ADAMTSL1: variants seen among roughly 807,000 people sequenced by gnomAD.
ADAMTSL1 encodes the protein ADAMTS like 1, also known as ADAMTS-like protein 1.
Under a neutral mutation model 201.8 loss-of-function variants are expected in ADAMTSL1, and 126 were observed. The observed-to-expected ratio is 0.62, with a 90% CI of 0.54 to 0.72. The LOEUF (loss-of-function observed/expected upper bound fraction) is 0.72. Among genes scored for constraint, ADAMTSL1 ranks in the 30% least tolerant of loss-of-function variants. ADAMTSL1 has a pLI of 0.00. For synonymous variants in ADAMTSL1, 1,121 were observed against 903.4 expected (o/e 1.24, Z -4.32); for missense variants, 2,679 against 2,277.8 (o/e 1.18, Z -3.59).
At chr9:18,083,014 T>A (rs1225135240) in intron 1 of ADAMTSL1, among the ~76,000 whole-genome samples, 1 of 152,186 alleles carries the variant, frequency 6.6e-6, no homozygotes, top group African/African-American at 2.4e-5. Flanking sequence ...TTGCAAAATA[T>A]CATTAGATAA....
intron 9 of ADAMTSL1, among the ~76,000 whole-genome samples, chr9:18,674,787 G>A (rs1355701702): frequency 6.6e-6 from 1 of 152,098 alleles, no homozygotes; most frequent in African/African-American, 2.4e-5. Flanking sequence ...TCATTTATCA[G>A]TTGCAAAATA....
chr9:18,189,181 T>A (rs1427170828), intron 2 of ADAMTSL1, among the ~76,000 whole-genome samples: 1 of 152,196 alleles, frequency 6.6e-6, no homozygotes, highest in Admixed American at 6.5e-5. Flanking sequence ...CTGAGTTGTG[T>A]ACTGCTTCCA....
intron 1 of ADAMTSL1, among the ~76,000 whole-genome samples, chr9:18,004,744 G>A (rs940545606): frequency 2.0e-5 from 3 of 152,026 alleles, no homozygotes; most frequent in African/African-American, 7.2e-5. Flanking sequence ...TAAGAACTCA[G>A]TACTTTTCTT....
intron 7 of ADAMTSL1, among the ~76,000 whole-genome samples, chr9:18,652,600 A>G (rs923168807): frequency 2.6e-5 from 4 of 152,204 alleles, no homozygotes; most frequent in Admixed American, 6.5e-5. Context: ...TATATGAAAT[A>G]TTCAGCACTT....
chr9:18,365,827 C>T (rs982593337), intron 2 of ADAMTSL1, among the ~76,000 whole-genome samples: 6 of 152,198 alleles, frequency 3.9e-5, no homozygotes, highest in Admixed American at 1.3e-4. Flanking sequence ...GAATTACTGC[C>T]TGAGTTCCGC....
At chr9:18,616,721 G>A (rs992588878) in intron 4 of ADAMTSL1, among the ~76,000 whole-genome samples, 1 of 152,116 alleles carries the variant, frequency 6.6e-6, no homozygotes, top group Non-Finnish European at 1.5e-5. Flanking sequence ...TGTGCATTAT[G>A]TTTAGTTCTC....
chr9:18,768,644 C>G (rs981860952), intron 16 of ADAMTSL1, among the ~76,000 whole-genome samples: 1 of 151,954 alleles, frequency 6.6e-6, no homozygotes, highest in Non-Finnish European at 1.5e-5. Flanking sequence ...AGGTTTCTCA[C>G]CATTGATTTT....
chr9:18,169,451 T>C (rs1298794247), intron 2 of ADAMTSL1, among the ~76,000 whole-genome samples: 2 of 152,162 alleles, frequency 1.3e-5, no homozygotes, highest in Non-Finnish European at 2.9e-5. Flanking sequence ...TGTGGCATTA[T>C]TTCTGAGGGC....
chr9:18,865,391 T>C (rs1240665576), intron 23 of ADAMTSL1, among the ~76,000 whole-genome samples: 2 of 152,230 alleles, frequency 1.3e-5, no homozygotes, highest in Admixed American at 1.3e-4. Context: ...TATGGCTGCA[T>C]TGTATTCCAT....
chr9:18,057,672 T>TTGTCACCA (rs1216993799), intron 1 of ADAMTSL1, among the ~76,000 whole-genome samples: 2 of 152,206 alleles, frequency 1.3e-5, no homozygotes, highest in Non-Finnish European at 2.9e-5. Flanking sequence ...AAGTCAGAGC[T>TTGTCACCA]TGTCACCACC....
intron 2 of ADAMTSL1, among the ~76,000 whole-genome samples, chr9:18,440,102 AT>A (rs1198002858): frequency 6.6e-6 from 1 of 152,186 alleles, no homozygotes; most frequent in Non-Finnish European, 1.5e-5. Context: ...AAATGTATTT[AT>A]TATGTTTTTG....
At chr9:18,876,788 G>A (rs1437289111) in intron 23 of ADAMTSL1, among the ~76,000 whole-genome samples, 1 of 152,156 alleles carries the variant, frequency 6.6e-6, no homozygotes, top group East Asian at 1.9e-4. Flanking sequence ...GTATTTGGAT[G>A]TCTAGATGTC....
chr9:18,858,100 C>G (rs955428743), intron 23 of ADAMTSL1, among the ~76,000 whole-genome samples: 1 of 152,148 alleles, frequency 6.6e-6, no homozygotes, highest in East Asian at 1.9e-4. Context: ...TACACACACA[C>G]TAATATAATC....
intron 19 of ADAMTSL1, among the ~76,000 whole-genome samples, chr9:18,788,114 T>C (rs908339911): frequency 1.3e-5 from 2 of 152,118 alleles, no homozygotes; most frequent in African/African-American, 4.8e-5. Flanking sequence ...ACAGCAAAGG[T>C]TAAAAAAAGT....
chr9:18,406,397 C>T (rs992127301), intron 2 of ADAMTSL1, among the ~76,000 whole-genome samples: 4 of 149,362 alleles, frequency 2.7e-5, no homozygotes, highest in East Asian at 4.0e-4. Context: ...GGCATGATCT[C>T]GGCTCACTGC....
intron 2 of ADAMTSL1, among the ~76,000 whole-genome samples, chr9:18,375,058 A>C (rs1173096679): frequency 6.6e-6 from 1 of 152,242 alleles, no homozygotes; most frequent in Non-Finnish European, 1.5e-5. Context: ...CTCACTTCAA[A>C]GTAAAGGGAT....
intron 9 of ADAMTSL1, among the ~76,000 whole-genome samples, chr9:18,665,562 A>G (rs1202111690): frequency 6.6e-6 from 1 of 152,146 alleles, no homozygotes; most frequent in African/African-American, 2.4e-5. Flanking sequence ...TCTCAAATCA[A>G]CAGAGAACAG....
At chr9:18,215,069 G>A (rs1291694514) in intron 2 of ADAMTSL1, among the ~76,000 whole-genome samples, 1 of 152,036 alleles carries the variant, frequency 6.6e-6, no homozygotes, top group African/African-American at 2.4e-5. Context: ...TTTGAAAGAG[G>A]GCAGAAGTTG....
intron 16 of ADAMTSL1, among the ~76,000 whole-genome samples, chr9:18,764,937 T>C (rs559355172): frequency 9.8e-5 from 15 of 152,326 alleles, no homozygotes; most frequent in African/African-American, 3.1e-4. Flanking sequence ...GATAACCCAG[T>C]TGTGTTATTT....
Sources: allele counts gnomAD v4.1 joint callset (sites outside exome capture counted in the v4.1 genomes callset), GRCh38; gene constraint gnomAD v4.1.1; transcripts MANE v1.5; gene names NCBI Gene and HGNC (gene_info 2026-07-23, HGNC 2026-07-21).